Variants in FRMD4A observed in about 807,000 individuals in gnomAD.
FRMD4A encodes FERM domain-containing protein 4A.
In FRMD4A, 29 loss-of-function variants were observed where a neutral mutation model predicts 129.1. The ratio of observed to expected loss-of-function variants is 0.22; its 90% confidence interval spans 0.17 to 0.31. The LOEUF (loss-of-function observed/expected upper bound fraction) is 0.31, where lower values mean the gene tolerates loss of function less well. FRMD4A is among the 10% of genes least tolerant of loss of function. The pLI is 1.00. For synonymous variants in FRMD4A, 634 were observed against 571.6 expected (o/e 1.11, Z -1.56); for missense variants, 1,272 against 1,375.8 (o/e 0.92, Z 1.19).
intron 2 of FRMD4A, among the ~76,000 whole-genome samples, chr10:13,948,975 G>A (rs991674857): frequency 1.3e-5 from 2 of 152,032 alleles, no homozygotes; most frequent in Non-Finnish European, 2.9e-5. Flanking sequence ...AAGTTAAAAT[G>A]CAAACAATTT....
At chr10:14,082,950 A>AT (rs1369956888) in intron 2 of FRMD4A, 1 of 152,244 alleles carries the variant, frequency 6.6e-6, no homozygotes, top group East Asian at 1.9e-4. Context: ...AACAAGATAG[A>AT]TATTAATGTC....
intron 2 of FRMD4A, among the ~76,000 whole-genome samples, chr10:14,301,222 G>A (rs1184779690): frequency 6.6e-6 from 1 of 152,224 alleles, no homozygotes; most frequent in African/African-American, 2.4e-5. Context: ...TTCACTGTAT[G>A]TGCTTCTTTT....
intron 21 of FRMD4A, among the ~76,000 whole-genome samples, chr10:13,657,851 G>A (rs1359026200): frequency 2.7e-5 from 4 of 147,984 alleles, no homozygotes; most frequent in Non-Finnish European, 5.9e-5. Context: ...TTAGTATCAT[G>A]TTAAACCAGA....
chr10:13,661,599 G>A (rs534783763), intron 19 of FRMD4A, among the ~76,000 whole-genome samples: 81 of 152,270 alleles, frequency 5.3e-4, no homozygotes, highest in African/African-American at 1.6e-3. Context: ...TCTTAAGCAC[G>A]GATGCGTCGG....
chr10:14,111,657 C>T (rs1394633406), intron 2 of FRMD4A, among the ~76,000 whole-genome samples: 2 of 151,986 alleles, frequency 1.3e-5, no homozygotes, highest in Non-Finnish European at 2.9e-5. Context: ...TCTATGAAAC[C>T]TACCTACTAT....
At chr10:14,016,659 G>C (rs1375214769) in intron 2 of FRMD4A, among the ~76,000 whole-genome samples, 1 of 152,046 alleles carries the variant, frequency 6.6e-6, no homozygotes, top group East Asian at 1.9e-4. Context: ...ATTCACCCAG[G>C]TTAAGACCCC....
chr10:14,147,772 A>G (rs1197455627), intron 2 of FRMD4A, among the ~76,000 whole-genome samples: 1 of 152,044 alleles, frequency 6.6e-6, no homozygotes, highest in South Asian at 2.1e-4. Flanking sequence ...GTTTCCTAAC[A>G]GGCCACGGAC....
chr10:14,075,048 C>A (rs1259023811), intron 2 of FRMD4A, among the ~76,000 whole-genome samples: 1 of 152,116 alleles, frequency 6.6e-6, no homozygotes, highest in Admixed American at 6.5e-5. Flanking sequence ...AAAAAGCAAG[C>A]AAACTATGGT....
chr10:13,728,990 A>G (rs1332692086), intron 12 of FRMD4A, among the ~76,000 whole-genome samples: 2 of 152,164 alleles, frequency 1.3e-5, no homozygotes, highest in East Asian at 3.9e-4. Context: ...AGACGATCTC[A>G]ATTTTCTTAG....
At chr10:13,683,617 T>TGAGACAGGTAGTAGTTGCC (rs1437565390) in intron 15 of FRMD4A, among the ~76,000 whole-genome samples, 2 of 151,320 alleles carry the variant, frequency 1.3e-5, no homozygotes, top group African/African-American at 4.9e-5. Flanking sequence ...AAAAAAAGAA[T>TGAGACAGGTAGTAGTTGCC]GAGACAGGTA....
intron 2 of FRMD4A, among the ~76,000 whole-genome samples, chr10:13,977,246 G>A (rs148513115): frequency 6.6e-4 from 100 of 152,304 alleles, no homozygotes; most frequent in Middle Eastern, 3.4e-3. Flanking sequence ...TCTGTGTCAC[G>A]TAAGGACTTT....
chr10:14,070,391 T>C (rs1835263540), intron 2 of FRMD4A, among the ~76,000 whole-genome samples: 1 of 152,220 alleles, frequency 6.6e-6, no homozygotes, highest in African/African-American at 2.4e-5. Flanking sequence ...ATCCTTCATC[T>C]TCATTTGTCT....
In FRMD4A at chr10:14,196,806, G is replaced by A. The variant is rs559002010; in HGVS notation, c.45+133252C>T. 1.2e-4 allele frequency among the ~76,000 whole-genome samples: 19 copies of A among 152,266 alleles called. 1 individual carries two copies. The East Asian group carries it at 2.5e-3, about 20-fold the overall frequency. ...GATTGCTTGAATCCAAATATAAAGC[G>A]CTAGACAATTCATTCCCATCTTTAT... On this transcript the variant is annotated intron_variant, in intron 2 of 24. Coordinates refer to ENST00000357447, the MANE Select transcript of FRMD4A (RefSeq NM_018027.5).
intron 2 of FRMD4A, among the ~76,000 whole-genome samples, chr10:14,189,360 G>C (rs764698541): frequency 6.6e-6 from 1 of 152,156 alleles, no homozygotes; most frequent in Non-Finnish European, 1.5e-5. Flanking sequence ...GATCACCTGA[G>C]GTCAGGAGTT....
chr10:13,653,674 C>CAGATGAGAT (rs1208868032), intron 23 of FRMD4A, among the ~76,000 whole-genome samples: 6 of 152,224 alleles, frequency 3.9e-5, no homozygotes, highest in Non-Finnish European at 7.3e-5. Flanking sequence ...CTCTAACCAA[C>CAGATGAGAT]AGATGAGATG....
intron 2 of FRMD4A, among the ~76,000 whole-genome samples, chr10:14,248,105 T>A (rs1844309494): frequency 6.6e-6 from 1 of 152,192 alleles, no homozygotes; most frequent in Non-Finnish European, 1.5e-5. Context: ...TAACATGAGC[T>A]AGCATTAATT....
intron 2 of FRMD4A, among the ~76,000 whole-genome samples, chr10:14,287,751 C>G (rs997260276): frequency 2.0e-5 from 3 of 152,210 alleles, no homozygotes; most frequent in Non-Finnish European, 4.4e-5. Flanking sequence ...ACCACTCACC[C>G]TACTGAAACA....
rs148204467 is a variant in FRMD4A, at chr10:14,266,914, G to A, written c.45+63144C>T. On this transcript the variant is annotated intron_variant, in intron 2 of 24. Coordinates refer to ENST00000357447, the MANE Select transcript of FRMD4A (RefSeq NM_018027.5). ...ACATTGAGCTAGCATACATACAATGGGTTCCCACAATGTTTCATGGAAATA... is the reference window on the plus strand; with the variant it reads ...ACATTGAGCTAGCATACATACAATGAGTTCCCACAATGTTTCATGGAAATA... Among the ~76,000 whole-genome samples, 436 of 152,232 alleles carry A rather than the reference G, an allele frequency of 2.9e-3. 3 individuals carry two copies. The highest frequency in any genetic ancestry group is 0.01 in the African/African-American group (424 of 41,540).
intron 2 of FRMD4A, among the ~76,000 whole-genome samples, chr10:14,239,945 G>C (rs1355479897): frequency 2.6e-5 from 4 of 152,230 alleles, no homozygotes; most frequent in Non-Finnish European, 4.4e-5. Context: ...CTTTGGAAAA[G>C]TAAGTAACAG....
Sources: gnomAD v4.1 joint callset for allele counts (sites outside exome capture counted in the v4.1 genomes callset) on GRCh38, gnomAD v4.1.1 for gene constraint, MANE v1.5 for transcripts, NCBI Gene and HGNC (gene_info 2026-07-23, HGNC 2026-07-21) for gene names.